The following MAGI1 variants were observed in gnomAD, a reference collection of about 807,000 sequenced individuals.
The protein encoded by MAGI1 is membrane-associated guanylate kinase, WW and PDZ domain-containing protein 1.
In MAGI1, 58 loss-of-function variants were observed where a neutral mutation model predicts 139.9. The ratio of observed to expected loss-of-function variants is 0.41; its 90% confidence interval spans 0.34 to 0.52. The LOEUF (loss-of-function observed/expected upper bound fraction) is 0.52. Among genes scored for constraint, MAGI1 ranks in the 20% least tolerant of loss-of-function variants. The pLI is 0.12. For missense variants in MAGI1, 1,874 were observed against 1,901.6 expected (o/e 0.99, Z 0.27); for synonymous variants, 812 against 737.9 (o/e 1.10, Z -1.63).
intron 1 of MAGI1, among the ~76,000 whole-genome samples, chr3:66,031,152 C>T (rs1221904021): frequency 1.3e-5 from 2 of 152,212 alleles, no homozygotes. Context: ...GGCAGGCATG[C>T]AGTAACCTAC....
chr3:65,690,640 AT>A lies in MAGI1; in HGVS notation c.314-68553del, dbSNP rs78131210. Among the ~76,000 whole-genome samples the A allele has an allele frequency of 3.1e-3, 407 of 130,468 alleles. 1 individual carries two copies. The highest frequency in any genetic ancestry group is 6.0e-3 in the African/African-American group (204 of 34,190). The allele number at this position is 130,468 out of a possible 152,430, so 85.6% of individuals were successfully genotyped here. A position where few individuals can be genotyped will look rare whatever the true frequency, so the allele number is the denominator to read the frequency against. ...CATGCCCGGCTCATTTGTATTTTTA[AT>A]TTTTTTTTTTTTTTTTTAAGTAGAG... On this transcript the variant is annotated intron_variant, in intron 1 of 22. Transcript: ENST00000402939.
chr3:65,698,579 A>G (rs2089374581), intron 1 of MAGI1, among the ~76,000 whole-genome samples: 3 of 152,168 alleles, frequency 2.0e-5, no homozygotes, highest in Non-Finnish European at 4.4e-5. Context: ...CTGCATATCT[A>G]CAACTATCTG....
chr3:65,595,363 G>A (rs973126397), intron 2 of MAGI1, among the ~76,000 whole-genome samples: 1 of 152,158 alleles, frequency 6.6e-6, no homozygotes, highest in East Asian at 1.9e-4. Flanking sequence ...TAGGTTCAAA[G>A]AGCTCCTTTC....
intron 4 of MAGI1, among the ~76,000 whole-genome samples, chr3:65,477,296 TC>T (rs1397590356): frequency 6.6e-6 from 1 of 152,178 alleles, no homozygotes; most frequent in Non-Finnish European, 1.5e-5. Context: ...CAAACAGCAT[TC>T]ATAAATAACA....
chr3:65,531,748 G>A (rs1404031318), intron 2 of MAGI1, among the ~76,000 whole-genome samples: 2 of 152,152 alleles, frequency 1.3e-5, no homozygotes, highest in Non-Finnish European at 2.9e-5. Context: ...TTCCAGCTAA[G>A]TGACCTCAGG....
intron 2 of MAGI1, among the ~76,000 whole-genome samples, chr3:65,493,860 A>C (rs1024978842): frequency 3.9e-5 from 6 of 152,316 alleles, no homozygotes; most frequent in East Asian, 3.9e-4. Context: ...AGAGAGAGAA[A>C]ACCAAGCACC....
At chr3:65,917,245 G>C (rs1233997878) in intron 1 of MAGI1, among the ~76,000 whole-genome samples, 1 of 152,062 alleles carries the variant, frequency 6.6e-6, no homozygotes, top group Non-Finnish European at 1.5e-5. Flanking sequence ...AACCAACAAT[G>C]AGATACCACT....
chr3:65,648,818 A>G (rs142174145), intron 1 of MAGI1, among the ~76,000 whole-genome samples: 2,132 of 152,334 alleles, frequency 0.014, 26 homozygotes, highest in Non-Finnish European at 0.024. Context: ...ATATAGCTAC[A>G]ATATTTAAGA....
chr3:65,381,013 C>T (rs1943008436), intron 16 of MAGI1, among the ~76,000 whole-genome samples: 1 of 151,980 alleles, frequency 6.6e-6, no homozygotes, highest in Non-Finnish European at 1.5e-5. Context: ...CATAATATTT[C>T]AGGTCATATT....
At chr3:65,482,436 T>C (rs866027755) in intron 3 of MAGI1, among the ~76,000 whole-genome samples, 1 of 152,196 alleles carries the variant, frequency 6.6e-6, no homozygotes, top group African/African-American at 2.4e-5. Context: ...ACATGGTAAC[T>C]GAGCACTAAG....
At chr3:65,547,175 T>C (rs1454247234) in intron 2 of MAGI1, among the ~76,000 whole-genome samples, 1 of 152,230 alleles carries the variant, frequency 6.6e-6, no homozygotes, top group African/African-American at 2.4e-5. Flanking sequence ...GGCTCTGTGC[T>C]GTTTTAAGCG....
intron 12 of MAGI1, among the ~76,000 whole-genome samples, chr3:65,427,877 C>T (rs1947172429): frequency 6.6e-6 from 1 of 152,192 alleles, no homozygotes; most frequent in Non-Finnish European, 1.5e-5. Context: ...ATACCCAAGT[C>T]ATTTCCTACT....
chr3:65,962,229 C>CTTG (rs2064471540), intron 1 of MAGI1, among the ~76,000 whole-genome samples: 1 of 150,990 alleles, frequency 6.6e-6, no homozygotes, highest in Non-Finnish European at 1.5e-5. Flanking sequence ...ACGCCATTCT[C>CTTG]CTACTCAGCC....
chr3:65,565,198 C>T (rs748214122), intron 2 of MAGI1, among the ~76,000 whole-genome samples: 3 of 152,214 alleles, frequency 2.0e-5, no homozygotes, highest in Non-Finnish European at 4.4e-5. Flanking sequence ...TGATTTAAGA[C>T]ATCTTTTTCC....
intron 1 of MAGI1, among the ~76,000 whole-genome samples, chr3:65,689,885 C>T (rs968562072): frequency 1.3e-5 from 2 of 152,210 alleles, no homozygotes; most frequent in African/African-American, 2.4e-5. Context: ...GGCAAGTATA[C>T]GGGATACCTG....
At chr3:65,879,632 G>A (rs1406801531) in intron 1 of MAGI1, among the ~76,000 whole-genome samples, 1 of 152,130 alleles carries the variant, frequency 6.6e-6, no homozygotes, top group Non-Finnish European at 1.5e-5. Context: ...TCTGTAAACT[G>A]GGAATAATCA....
At chr3:65,387,732 C>T (rs754284156) in intron 14 of MAGI1, among the ~76,000 whole-genome samples, 12 of 152,136 alleles carry the variant, frequency 7.9e-5, no homozygotes, top group Non-Finnish European at 1.5e-4. Flanking sequence ...TGGATCTATC[C>T]GAGAACTGAA....
At chr3:66,033,362 A>G (rs1251571490) in intron 1 of MAGI1, among the ~76,000 whole-genome samples, 1 of 152,114 alleles carries the variant, frequency 6.6e-6, no homozygotes, top group Admixed American at 6.6e-5. Context: ...GCCAGCTCAC[A>G]TTGGCTTGGG....
At position 65,910,855 on chromosome 3, in the gene MAGI1, CTTT is replaced by C. The variant is rs397989928; in HGVS notation, c.313+127138_313+127140del. ...TGAGGCCTCTTTCAGACATGGTGGA[CTTT>C]TTTTTTTTTTTTTTTTTGAGATGGA... On this transcript the variant is annotated intron_variant, in intron 1 of 22. Transcript: ENST00000402939. Among the ~76,000 whole-genome samples, 9 of 59,478 alleles carry C rather than the reference CTTT, an allele frequency of 1.5e-4. No homozygotes were observed. In the East Asian group the frequency reaches 4.5e-3, roughly 30 times the overall value. 39.0% of individuals were successfully genotyped at this position (59,478 alleles called of 152,430 possible).
Sources: gnomAD v4.1 joint callset for allele counts (sites outside exome capture counted in the v4.1 genomes callset) on GRCh38, gnomAD v4.1.1 for gene constraint, MANE v1.5 for transcripts, NCBI Gene and HGNC (gene_info 2026-07-23, HGNC 2026-07-21) for gene names.